HNF4G: variants seen among roughly 807,000 people sequenced by gnomAD.
HNF4G encodes hepatocyte nuclear factor 4 gamma.
Under a neutral mutation model 50.9 loss-of-function variants are expected in HNF4G, and 21 were observed. The observed-to-expected ratio is 0.41, with a 90% CI of 0.29 to 0.59. HNF4G has a LOEUF of 0.59. Ranked by LOEUF, HNF4G falls within the 20% of genes least tolerant of loss-of-function variation. HNF4G has a pLI of 0.26. For synonymous variants in HNF4G, 198 were observed against 185.6 expected, an observed-to-expected ratio of 1.07 and a Z score of -0.54; for missense variants, 527 against 559.4, an observed-to-expected ratio of 0.94 and a Z score of 0.58.
At chr8:75,427,297 G>A (rs941689307) in intron 1 of HNF4G, among the ~76,000 whole-genome samples, 1 of 152,152 alleles carries the variant, frequency 6.6e-6, no homozygotes, top group Non-Finnish European at 1.5e-5. Flanking sequence ...TTAAGAATAG[G>A]CTAGGCATGG....
At chr8:75,539,688 A>G (rs1463737050), upstream of HNF4G, among the ~76,000 whole-genome samples, 1 of 152,216 alleles carries the variant, frequency 6.6e-6, no homozygotes, top group African/African-American at 2.4e-5. Flanking sequence ...TTAGGAAATC[A>G]TGTTAGTCCA....
Position 75,424,541 on chromosome 8 carries a change from C to G in HNF4G, c.-144+16379C>G, listed in dbSNP as rs1810847816. Reference sequence around the variant, plus strand: ...TTTTTCAGCTCTTGCCCCTTTCTCTCCCTCCCACCTTTTGGAGTTCCCAGA... The same window carrying G: ...TTTTTCAGCTCTTGCCCCTTTCTCTGCCTCCCACCTTTTGGAGTTCCCAGA... On this transcript the variant is annotated intron_variant, in intron 1 of 10. Coordinates refer to the HNF4G transcript ENST00000354370. 2.6e-5 allele frequency among the ~76,000 whole-genome samples: 4 copies of G among 152,226 alleles called. No individual in the cohort carries two copies. In the South Asian group the frequency reaches 8.3e-4, roughly 32 times the overall value.
chr8:75,448,312 T>G, intron 1 of HNF4G, among the ~76,000 whole-genome samples: 3 of 136,382 alleles, frequency 2.2e-5, no homozygotes, highest in East Asian at 2.4e-4. Context: ...AGGGATATCA[T>G]TGGGAGATAT....
At chr8:75,409,517 C>T (rs1585816238) in intron 1 of HNF4G, among the ~76,000 whole-genome samples, 1 of 99,584 alleles carries the variant, frequency 1.0e-5, no homozygotes, top group East Asian at 3.4e-4. Flanking sequence ...GAGATGAAGT[C>T]TTGCTCTGTC....
chr8:75,537,552 C>CT (rs1171315823), upstream of HNF4G, among the ~76,000 whole-genome samples: 6 of 151,346 alleles, frequency 4.0e-5, no homozygotes, highest in East Asian at 2.0e-4. Flanking sequence ...GGCTAAAAGA[C>CT]TTTTTTTTTC....
chr8:75,563,877 T>A, intron 9 of HNF4G, 98 bp from the exon 10 acceptor site: 1 of 1,350,144 alleles, frequency 7.4e-7, no homozygotes, highest in Non-Finnish European at 1.0e-6. Context: ...TAAAAACATT[T>A]CCAAATTACG....
chr8:75,409,650 G>A (rs547853782), intron 1 of HNF4G, among the ~76,000 whole-genome samples: 4 of 151,412 alleles, frequency 2.6e-5, no homozygotes, highest in East Asian at 3.9e-4. Flanking sequence ...CACCACACCC[G>A]GCTGATTTTT....
chr8:75,528,684 A>G (rs1806245042), intron 2 of HNF4G, among the ~76,000 whole-genome samples: 2 of 152,164 alleles, frequency 1.3e-5, no homozygotes, highest in Non-Finnish European at 2.9e-5. Context: ...AGGCAAATTC[A>G]TAGGAAACTT....
chr8:75,448,423 G>A (rs867243199), intron 1 of HNF4G, among the ~76,000 whole-genome samples: 30 of 24,780 alleles, frequency 1.2e-3, no homozygotes, highest in Middle Eastern at 0.033. Context: ...AAAACTTAAA[G>A]TATAAAAAAA....
upstream of HNF4G, among the ~76,000 whole-genome samples, chr8:75,537,941 C>T (rs1806512594): frequency 6.6e-6 from 1 of 151,828 alleles, no homozygotes; most frequent in Non-Finnish European, 1.5e-5. Flanking sequence ...ATTATGAGTC[C>T]TAGAATTTAA....
chr8:75,451,767 C>A (rs1313554768), intron 1 of HNF4G, among the ~76,000 whole-genome samples: 1 of 152,160 alleles, frequency 6.6e-6, no homozygotes, highest in African/African-American at 2.4e-5. Context: ...ATTTTAAAAT[C>A]AAGTAGTGTG....
chr8:75,455,055 C>A (rs1811687225), intron 1 of HNF4G, among the ~76,000 whole-genome samples: 1 of 152,168 alleles, frequency 6.6e-6, no homozygotes, highest in South Asian at 2.1e-4. Context: ...TCACATCATC[C>A]CTTTTGTGTA....
intron 1 of HNF4G, among the ~76,000 whole-genome samples, chr8:75,471,795 G>A (rs750193275): frequency 1.3e-5 from 2 of 152,098 alleles, no homozygotes; most frequent in Non-Finnish European, 2.9e-5. Context: ...ATGCTAAAGT[G>A]TACTCCCAAT....
intron 1 of HNF4G, among the ~76,000 whole-genome samples, chr8:75,431,210 TAGAG>T (rs1253223422): frequency 1.3e-5 from 2 of 151,828 alleles, no homozygotes; most frequent in Non-Finnish European, 2.9e-5. Flanking sequence ...CTTTAGGAGA[TAGAG>T]AGGACAGAAA....
chr8:75,457,918 A>C (rs946173113), intron 1 of HNF4G, among the ~76,000 whole-genome samples: 2 of 152,184 alleles, frequency 1.3e-5, no homozygotes, highest in African/African-American at 4.8e-5. Context: ...GCAGTAGAGA[A>C]CAAAAAAGAA....
intron 1 of HNF4G, among the ~76,000 whole-genome samples, chr8:75,408,917 T>C (rs1810426964): frequency 6.6e-6 from 1 of 152,228 alleles, no homozygotes; most frequent in Non-Finnish European, 1.5e-5. Context: ...TTCTTCTGCT[T>C]TCTCGTTAAT....
At chr8:75,540,261 G>A (rs1448165951) in intron 1 of HNF4G, among the ~76,000 whole-genome samples, 181 bp downstream of exon 1, 1 of 152,024 alleles carries the variant, frequency 6.6e-6, no homozygotes, top group Non-Finnish European at 1.5e-5. Context: ...TAATGCTGTG[G>A]CTATTTTGTG....
At chr8:75,510,251 A>G (rs1338357234) in intron 2 of HNF4G, among the ~76,000 whole-genome samples, 1 of 152,232 alleles carries the variant, frequency 6.6e-6, no homozygotes, top group Admixed American at 6.5e-5. Flanking sequence ...ATATTTTTGT[A>G]CAGTTGACAA....
At chr8:75,458,200 A>G (rs1178278404) in intron 1 of HNF4G, among the ~76,000 whole-genome samples, 2 of 152,102 alleles carry the variant, frequency 1.3e-5, no homozygotes, top group African/African-American at 4.8e-5. Context: ...CCTATTGTAC[A>G]TACAATCACT....
Sources: allele counts gnomAD v4.1 joint callset (sites outside exome capture counted in the v4.1 genomes callset), GRCh38; gene constraint gnomAD v4.1.1; transcripts MANE v1.5; gene names NCBI Gene and HGNC (gene_info 2026-07-23, HGNC 2026-07-21).